The following UNC80 variants were observed in gnomAD, a reference collection of about 807,000 sequenced individuals.
The protein encoded by UNC80 is unc-80 subunit of NALCN channel complex, also known as protein unc-80 homolog.
A neutral mutation model predicts 384.6 loss-of-function variants in UNC80; 164 were observed. That is an observed-to-expected ratio of 0.43 (90% CI 0.38 to 0.49). The LOEUF is 0.49. UNC80 is among the 20% of genes least tolerant of loss of function. The pLI is 0.00. For missense variants in UNC80, 3,330 were observed against 4,143.0 expected (o/e 0.80, Z 5.39); for synonymous variants, 1,486 against 1,527.8 (o/e 0.97, Z 0.64).
Position 209,839,196 on chromosome 2 carries a change from TA to T in UNC80, c.3042-24del. On this transcript the variant is annotated intron_variant, in intron 18 of 64. Coordinates refer to ENST00000673920, the MANE Select transcript of UNC80 (RefSeq NM_001371986.1). This position sits in a 1 kb window ranked among gnomAD's most constrained non-coding sequence, Gnocchi z 4.1. ...AATTTCTCAAGTGTTGTCAGAAGTT[TA>T]ACCCTATCCTCTGCTTGCCTACAGC... The T allele has an allele frequency of 6.5e-7, 1 of 1,547,048 alleles. No homozygotes were observed. The highest frequency in any genetic ancestry group is 2.4e-5 in the East Asian group (1 of 40,870).
At chr2:209,990,779 A>G (rs2093377626) in intron 61 of UNC80, among the ~76,000 whole-genome samples, 1 of 152,204 alleles carries the variant, frequency 6.6e-6, no homozygotes, top group African/African-American at 2.4e-5. Flanking sequence ...GATAATGCAC[A>G]TGGATATTTT....
In UNC80 at chr2:209,808,431, C is replaced by T. The variant is rs1047327879; in HGVS notation, c.939-5149C>T. Among the ~76,000 whole-genome samples, 41 of 150,512 alleles carry T rather than the reference C, an allele frequency of 2.7e-4. 1 individual carries two copies. Among genetic ancestry groups the T allele is most frequent in the African/African-American group, 8.8e-4 (36 of 40,824 alleles). The stretch of plus-strand genomic sequence containing the variant: ...TACAAAAATTAGCCAGGCGTCGTGG[C>T]GGGCACCTGTAATCTCAGCTACTCA... On this transcript the variant is annotated intron_variant, in intron 7 of 64. Coordinates refer to ENST00000673920, the MANE Select transcript of UNC80 (RefSeq NM_001371986.1).
At chr2:209,968,831 G>C (rs138082112) in intron 52 of UNC80, 2 of 152,222 alleles carry the variant, frequency 1.3e-5, no homozygotes, top group Non-Finnish European at 2.9e-5. Flanking sequence ...TTAGTACATA[G>C]GCTTGGTCAG....
intron 16 of UNC80, among the ~76,000 whole-genome samples, chr2:209,833,365 G>A (rs915440645): frequency 6.6e-6 from 1 of 150,946 alleles, no homozygotes; most frequent in Non-Finnish European, 1.5e-5. Flanking sequence ...AATTTCTCAA[G>A]TAAAAGTCCA....
At chr2:209,796,795 C>A (rs999601279) in intron 7 of UNC80, among the ~76,000 whole-genome samples, 2 of 152,164 alleles carry the variant, frequency 1.3e-5, no homozygotes, top group Admixed American at 6.5e-5. Flanking sequence ...ACTGTAAGTC[C>A]AATTAAACCT....
intron 35 of UNC80, among the ~76,000 whole-genome samples, chr2:209,926,251 CT>C (rs1178135994): frequency 6.6e-6 from 1 of 152,158 alleles, no homozygotes; most frequent in African/African-American, 2.4e-5. Flanking sequence ...AGAATTTTAT[CT>C]TCATTAATTT....
intron 6 of UNC80, among the ~76,000 whole-genome samples, chr2:209,791,375 T>C (rs2077786814): frequency 6.6e-6 from 1 of 152,184 alleles, no homozygotes; most frequent in Non-Finnish European, 1.5e-5. Context: ...CTCCCTGTTT[T>C]TTTTGTGCCT....
intron 25 of UNC80, among the ~76,000 whole-genome samples, chr2:209,885,093 A>C (rs1347231184): frequency 6.6e-6 from 1 of 152,132 alleles, no homozygotes; most frequent in Admixed American, 6.5e-5. Flanking sequence ...AAGAAAAAAA[A>C]AACACTGGAT....
chr2:209,834,332 A>G (rs1353378706), intron 17 of UNC80, among the ~76,000 whole-genome samples, 164 bp downstream of exon 17: 1 of 152,216 alleles, frequency 6.6e-6, no homozygotes, highest in Non-Finnish European at 1.5e-5. Flanking sequence ...AGCTTAGAAA[A>G]TGAATGAATT....
chr2:209,807,603 T>G (rs1376888774), intron 7 of UNC80, among the ~76,000 whole-genome samples: 3 of 152,132 alleles, frequency 2.0e-5, no homozygotes, highest in Non-Finnish European at 4.4e-5. Flanking sequence ...GACCTCGTGA[T>G]CCGCCTGCCT....
At chr2:209,987,007 A>G (rs563469203) in intron 61 of UNC80, among the ~76,000 whole-genome samples, 10 of 152,332 alleles carry the variant, frequency 6.6e-5, no homozygotes, top group African/African-American at 2.2e-4. Flanking sequence ...GACGCTTAAC[A>G]TACACTCCAA....
rs1396746919 is a variant in UNC80 at position 209,912,604 on chromosome 2, A to T, written c.4827A>T (p.Arg1609Ser). Residue 1609 changes from arginine to serine, a missense_variant, in exon 30 of 65, where the codon AGA (arginine) becomes AGT (serine). Arg to Ser is a moderately radical substitution (Grantham distance 110). This residue lies in a region of UNC80 where 801 missense variants were observed against 950.8 expected (regional missense o/e 0.84). Transcript: ENST00000673920. ...TGAGGACACCTTCTCTAAAGAAGAG[A>T]GTTTCAGATGCCAATCTGGAAGGAA... Reference protein sequence around the residue: ...SCLRTPSLKKRVSDANLEGKK... With the variant: ...SCLRTPSLKKSVSDANLEGKK... 1 of 1,551,414 alleles carries T rather than the reference A, an allele frequency of 6.4e-7. No individual in the cohort carries two copies. Among genetic ancestry groups the T allele is most frequent in the African/African-American group, 1.4e-5 (1 of 73,012 alleles).
intron 14 of UNC80, among the ~76,000 whole-genome samples, chr2:209,828,958 T>C (rs530199149): frequency 5.9e-5 from 9 of 152,282 alleles, no homozygotes; most frequent in African/African-American, 1.7e-4. Flanking sequence ...TTGGTGAAAA[T>C]ACTGAACTCT....
intron 21 of UNC80, among the ~76,000 whole-genome samples, chr2:209,845,570 G>C (rs568483454): frequency 6.6e-6 from 1 of 152,162 alleles, no homozygotes; most frequent in South Asian, 2.1e-4. Flanking sequence ...AATATTCATA[G>C]AGCCAGATTC....
chr2:209,941,576 T>C (rs1452168956), intron 44 of UNC80, 87 bp downstream of exon 44: 6 of 1,310,536 alleles, frequency 4.6e-6, no homozygotes, highest in Non-Finnish European at 6.0e-6. Context: ...CTGAAACTTT[T>C]TAATGATGGT....
chr2:209,807,516 C>G lies in UNC80; in HGVS notation c.939-6064C>G, dbSNP rs561690602. Among the ~76,000 whole-genome samples the G allele has an allele frequency of 2.6e-5, 4 of 152,140 alleles. No individual in the cohort carries two copies. The East Asian group carries it at 5.8e-4, about 22-fold the overall frequency. On this transcript the variant is annotated intron_variant, in intron 7 of 64. Coordinates refer to ENST00000673920, the MANE Select transcript of UNC80 (RefSeq NM_001371986.1). ...AGTAGCTGGGACTATAGGCGCCCAC[C>G]ACCACGCCCAGCTATTTTTTGTATT...
At chr2:209,967,743 G>A (rs189736122) in intron 52 of UNC80, 106 bp downstream of exon 52, 3 of 1,130,772 alleles carry the variant, frequency 2.7e-6, no homozygotes, top group East Asian at 5.2e-5. Flanking sequence ...TGACTTGAAA[G>A]TTTTCTTTGG....
Position 209,866,490 on chromosome 2 carries a change from C to CACACACACACACA in UNC80, c.3628-6268_3628-6267insACACACACACACA, listed in dbSNP as rs1559226593. Among the ~76,000 whole-genome samples, 17 of 107,630 alleles carry CACACACACACACA rather than the reference C, an allele frequency of 1.6e-4. No homozygotes were observed. In the East Asian group the frequency reaches 2.6e-3, roughly 17 times the overall value. The allele number at this position is 107,630 out of a possible 152,430, so 70.6% of individuals were successfully genotyped here. A position where few individuals can be genotyped will look rare whatever the true frequency, so the allele number is the denominator to read the frequency against. ...ACATTCCATAATACAAAATGCACCC[C>CACACACACACACA]CACACACACACACACACACACACAC... On this transcript the variant is annotated intron_variant, in intron 22 of 64. Coordinates refer to ENST00000673920, the MANE Select transcript of UNC80 (RefSeq NM_001371986.1).
intron 53 of UNC80, 97 bp downstream of exon 53, chr2:209,969,988 C>T: frequency 1.4e-6 from 2 of 1,441,610 alleles, no homozygotes; most frequent in Non-Finnish European, 1.9e-6. Context: ...CACTTTGTGC[C>T]CCTATCTGCC....
Sources: gnomAD v4.1 joint callset for allele counts (sites outside exome capture counted in the v4.1 genomes callset) on GRCh38, gnomAD v4.1.1 for gene constraint, gnomAD v4.1.1 regional missense constraint, Gnocchi (gnomAD v3.1) non-coding constraint, MANE v1.5 for transcripts, NCBI Gene and HGNC (gene_info 2026-07-23, HGNC 2026-07-21) for gene names.